ETFA: variants seen among roughly 807,000 people sequenced by gnomAD.
ETFA encodes electron transfer flavoprotein subunit alpha.
A neutral mutation model predicts 46.2 loss-of-function variants in ETFA; 22 were observed. That is an observed-to-expected ratio of 0.48 (90% CI 0.34 to 0.68). The LOEUF (loss-of-function observed/expected upper bound fraction) is 0.68. ETFA is among the 30% of genes least tolerant of loss of function. The pLI is 0.01. For synonymous variants in ETFA, 131 were observed against 139.9 expected (o/e 0.94, Z 0.45); for missense variants, 345 against 401.1 (o/e 0.86, Z 1.19).
chr15:76,303,993 T>C (rs1248748289), intron 1 of ETFA, among the ~76,000 whole-genome samples: 1 of 152,256 alleles, frequency 6.6e-6, no homozygotes, highest in African/African-American at 2.4e-5. Context: ...ATGTGCATGT[T>C]CATGGCAGCA....
intron 9 of ETFA, among the ~76,000 whole-genome samples, chr15:76,246,788 A>G (rs948641767): frequency 1.3e-5 from 2 of 151,958 alleles, no homozygotes; most frequent in African/African-American, 4.8e-5. Context: ...AGCCGAGATC[A>G]TGCCACTGCA....
chr15:76,298,774 G>C (rs1471981300), intron 1 of ETFA, among the ~76,000 whole-genome samples: 1 of 151,080 alleles, frequency 6.6e-6, no homozygotes, highest in Non-Finnish European at 1.5e-5. Flanking sequence ...ACATTCTTGT[G>C]CTTAAAAAAA....
chr15:76,237,472 A>G (rs1226083747), intron 9 of ETFA, among the ~76,000 whole-genome samples: 1 of 152,192 alleles, frequency 6.6e-6, no homozygotes, highest in Non-Finnish European at 1.5e-5. Context: ...AAACTACTAC[A>G]TTATTCAATC....
Position 76,292,673 on chromosome 15 carries a change from C to T in ETFA, c.214G>A (p.Gly72Ser). Residue 72 changes from glycine (G) to serine (S), a missense_variant, in exon 3 of 12, where the codon GGC becomes AGC. Gly to Ser is a moderately conservative substitution (Grantham distance 56, BLOSUM62 0). Coordinates refer to ENST00000557943, the MANE Select transcript of ETFA (RefSeq NM_000126.4). Reference protein sequence around the residue: ...KVAQDLCKVAGIAKVLVAQHD... With the variant: ...KVAQDLCKVASIAKVLVAQHD... ...TGAGCCACCAGAACTTTTGCTATGC[C>T]TGCTACTTTACAGAGATCTTGTGCC... 1 of 1,613,366 alleles carries T rather than the reference C, an allele frequency of 6.2e-7. No individual in the cohort carries two copies. Among genetic ancestry groups the T allele is most frequent in the South Asian group, 1.1e-5 (1 of 91,056 alleles).
intron 11 of ETFA, among the ~76,000 whole-genome samples, chr15:76,221,562 T>G (rs1377052325): frequency 1.3e-5 from 2 of 152,228 alleles, no homozygotes; most frequent in Non-Finnish European, 2.9e-5. Context: ...TGACTACAAT[T>G]ATAATATTTA....
At chr15:76,241,418 C>T (rs977675489) in intron 9 of ETFA, among the ~76,000 whole-genome samples, 62 of 151,366 alleles carry the variant, frequency 4.1e-4, no homozygotes, top group African/African-American at 1.5e-3. Flanking sequence ...GCAGGAGGAT[C>T]ACTTGAGCCC....
chr15:76,256,284 T>TG (rs967048750), intron 9 of ETFA, among the ~76,000 whole-genome samples: 1 of 146,520 alleles, frequency 6.8e-6, no homozygotes, highest in Non-Finnish European at 1.5e-5. Context: ...AAAAAAAAAA[T>TG]ATTAACCTTA....
chr15:76,269,741 C>T (rs1455092641), intron 9 of ETFA, among the ~76,000 whole-genome samples: 2 of 152,104 alleles, frequency 1.3e-5, no homozygotes, highest in African/African-American at 4.8e-5. Context: ...AAAACACATT[C>T]CTAAAACTCT....
intron 9 of ETFA, among the ~76,000 whole-genome samples, chr15:76,251,355 A>C (rs2039295780): frequency 6.6e-6 from 1 of 152,216 alleles, no homozygotes; most frequent in African/African-American, 2.4e-5. Flanking sequence ...TGCTTTGCTT[A>C]TGTAGAAAGT....
intron 1 of ETFA, among the ~76,000 whole-genome samples, chr15:76,300,741 A>G (rs2039871921): frequency 1.3e-5 from 2 of 151,984 alleles, no homozygotes; most frequent in Admixed American, 1.3e-4. Flanking sequence ...TGTTTATTTT[A>G]TGGCGTGATC....
chr15:76,239,371 ACAT>A (rs1172379885), intron 9 of ETFA, among the ~76,000 whole-genome samples: 7 of 152,336 alleles, frequency 4.6e-5, no homozygotes, highest in African/African-American at 1.4e-4. Flanking sequence ...CATATCTATC[ACAT>A]CACAATTACT....
chr15:76,287,679 A>G lies in ETFA; in HGVS notation c.451+167T>C, dbSNP rs1432802765. On this transcript the variant is annotated intron_variant, in intron 5 of 11. Transcript: ENST00000557943. ...TTTGCGATCCATCAGAGAGAATGCC[A>G]TGTCAAGGGCCACCAGCAATTCTAG... 1.0e-5 allele frequency: 6 copies of G among 574,632 alleles called. No individual in the cohort carries two copies. The Admixed American group carries it at 1.3e-4, about 12-fold the overall frequency. 35.6% of individuals were successfully genotyped at this position (574,632 alleles called of 1,614,324 possible).
chr15:76,260,256 T>C, intron 9 of ETFA: 18 of 1,194,072 alleles, frequency 1.5e-5, no homozygotes, highest in East Asian at 7.0e-5. Flanking sequence ...CCTTTCTTGA[T>C]TGAAGGACCG....
intron 7 of ETFA, 63 bp from the exon 8 acceptor site, chr15:76,283,888 G>T: frequency 7.9e-7 from 1 of 1,258,920 alleles, no homozygotes; most frequent in Non-Finnish European, 1.2e-6. Flanking sequence ...GAACAATTTT[G>T]CTATTTTATA....
chr15:76,275,649 T>C (rs891542875), intron 8 of ETFA, among the ~76,000 whole-genome samples: 2 of 152,228 alleles, frequency 1.3e-5, no homozygotes, highest in African/African-American at 4.8e-5. Flanking sequence ...GTAACGGTTT[T>C]CTATTTGTTG....
intron 9 of ETFA, among the ~76,000 whole-genome samples, chr15:76,255,243 C>T (rs949785470): frequency 2.0e-5 from 3 of 152,198 alleles, no homozygotes; most frequent in Non-Finnish European, 4.4e-5. Context: ...ATTTACCTTA[C>T]TCTATCTTAT....
At chr15:76,300,225 T>A (rs183985671) in intron 1 of ETFA, among the ~76,000 whole-genome samples, 186 of 152,316 alleles carry the variant, frequency 1.2e-3, no homozygotes, top group Non-Finnish European at 1.9e-3. Flanking sequence ...GCTAGACTTA[T>A]AATATGGTTA....
intron 9 of ETFA, among the ~76,000 whole-genome samples, chr15:76,271,169 C>CAAA (rs35403723): frequency 1.6e-4 from 9 of 57,448 alleles, no homozygotes; most frequent in African/African-American, 4.0e-4. Context: ...GACTATGTCT[C>CAAA]AAAAAAAAAA....
chr15:76,276,826 T>G (rs1410982512), intron 8 of ETFA, among the ~76,000 whole-genome samples: 1 of 152,232 alleles, frequency 6.6e-6, no homozygotes, highest in South Asian at 2.1e-4. Flanking sequence ...TTTCTAGCCC[T>G]CTGCTTATAT....
Sources: allele counts gnomAD v4.1 joint callset (sites outside exome capture counted in the v4.1 genomes callset), GRCh38; gene constraint gnomAD v4.1.1; transcripts MANE v1.5; gene names NCBI Gene and HGNC (gene_info 2026-07-23, HGNC 2026-07-21).